Variants in BOK observed in about 807,000 individuals in gnomAD.
BOK encodes bcl-2-related ovarian killer protein.
In BOK, 20 loss-of-function variants were observed where a neutral mutation model predicts 18.3. That is an observed-to-expected ratio of 1.09 (90% CI 0.77 to 1.59). The LOEUF is 1.59. Among genes scored for constraint, BOK ranks in the 40% most tolerant of loss-of-function variants. The probability of loss-of-function intolerance (pLI) is 0.00; values close to 1 mark genes in which losing one functional copy is unlikely to be tolerated. For synonymous variants in BOK, 173 were observed against 142.4 expected (o/e 1.21, Z -1.53); for missense variants, 348 against 307.9 (o/e 1.13, Z -0.97).
chr2:241,555,339 C>T (rs2066442250), upstream of BOK, among the ~76,000 whole-genome samples: 1 of 151,616 alleles, frequency 6.6e-6, no homozygotes, highest in Non-Finnish European at 1.5e-5. Context: ...AGTGCGGTGT[C>T]ACCATGCTGG....
intron 3 of BOK, among the ~76,000 whole-genome samples, chr2:241,564,341 C>A (rs901152180): frequency 6.6e-6 from 1 of 152,172 alleles, no homozygotes; most frequent in Admixed American, 6.5e-5. Context: ...CCCTGTCTGG[C>A]GCTCCTGGGG....
rs995761761 is a variant in BOK, at chr2:241,562,644, G to A, written c.349+168G>A. Reference sequence around the variant, plus strand: ...TCAGGAGCTGCCCAGCCACCAGCGTGGGCTCAAACCACAGCATTCAGGGTC... The same window carrying A: ...TCAGGAGCTGCCCAGCCACCAGCGTAGGCTCAAACCACAGCATTCAGGGTC... On this transcript the variant is annotated intron_variant, in intron 3 of 4. Transcript: ENST00000318407. The surrounding 1 kb of genome is among the most constrained non-coding windows in gnomAD (Gnocchi z 4.5). Among the ~76,000 whole-genome samples, 2 of 152,214 alleles carry A rather than the reference G, an allele frequency of 1.3e-5. No homozygotes were observed. The highest frequency in any genetic ancestry group is 2.4e-5 in the African/African-American group (1 of 41,450).
At chr2:241,560,102 G>A (rs1171246606) in intron 2 of BOK, 8 of 985,226 alleles carry the variant, frequency 8.1e-6, no homozygotes, top group Admixed American at 6.2e-5. Context: ...GATCCCGCCC[G>A]CTGCCCTCTG....
intron 3 of BOK, among the ~76,000 whole-genome samples, chr2:241,568,469 G>A (rs764806981): frequency 1.3e-4 from 20 of 151,674 alleles, no homozygotes; most frequent in Non-Finnish European, 2.2e-4. Context: ...CCAGGCTGGA[G>A]TACAGTGGTG....
intron 3 of BOK, among the ~76,000 whole-genome samples, chr2:241,566,209 G>A (rs1374159825): frequency 6.6e-6 from 1 of 151,912 alleles, no homozygotes; most frequent in Non-Finnish European, 1.5e-5. Context: ...GCTTGAACCC[G>A]GGAGGCGCAG....
chr2:241,571,880 C>T (rs1365034110), intron 4 of BOK, among the ~76,000 whole-genome samples: 4 of 152,246 alleles, frequency 2.6e-5, no homozygotes, highest in Non-Finnish European at 4.4e-5. Context: ...TTCCTGGTAG[C>T]CCAGGCTCCA....
At position 241,559,559 on chromosome 2, in the gene BOK, G is replaced by T. The variant is rs2066493503; in HGVS notation, c.76G>T (p.Glu26Ter). The T allele has an allele frequency of 6.5e-7, 1 of 1,529,042 alleles. No homozygotes were observed. 94.7% of individuals were successfully genotyped at this position (1,529,042 alleles called of 1,614,324 possible). ...DAFDRSPTDK[E>*]LVAQAKALGR... ...CTTTGACCGCTCGCCCACAGACAAG[G>T]AGCTGGTGGCCCAGGCCAAGGCGCT... is the stretch of plus-strand genomic sequence containing the variant. The change falls in exon 2 of 5, where the codon GAG (glutamate) becomes TAG (stop). Residue 26 changes from glutamate to a stop codon, truncating the protein, a stop_gained. Transcript: ENST00000318407. LOFTEE classifies it high-confidence loss of function.
At chr2:241,558,311 T>G (rs912049981), upstream of BOK, among the ~76,000 whole-genome samples, 2 of 151,864 alleles carry the variant, frequency 1.3e-5, no homozygotes, top group African/African-American at 4.8e-5. Flanking sequence ...AATAAAAAGG[T>G]ACTAACCATA....
intron 4 of BOK, 27 bp from the exon 5 acceptor site, chr2:241,572,270 T>C: frequency 6.2e-7 from 1 of 1,605,548 alleles, no homozygotes; most frequent in Non-Finnish European, 8.5e-7. Flanking sequence ...GGCTCTGCTT[T>C]CTAACGGTCT....
intron 2 of BOK, chr2:241,559,944 C>T (rs1286821160): frequency 6.3e-6 from 4 of 637,132 alleles, no homozygotes; most frequent in Non-Finnish European, 7.8e-6. Flanking sequence ...TGGCCATAAA[C>T]AATAGAAAGC....
intron 3 of BOK, among the ~76,000 whole-genome samples, chr2:241,568,088 C>T (rs184075683): frequency 1.3e-5 from 2 of 152,114 alleles, no homozygotes; most frequent in East Asian, 1.9e-4. Context: ...GAGGCCCATC[C>T]ATGCCCAGCC....
chr2:241,551,758 G>A (rs192633589), intron 1 of BOK, among the ~76,000 whole-genome samples: 117 of 152,304 alleles, frequency 7.7e-4, no homozygotes, highest in African/African-American at 2.3e-3. Context: ...GAAGGCTTGC[G>A]CTGGCCAAGT....
At chr2:241,560,463 C>T (rs139092299) in intron 2 of BOK, among the ~76,000 whole-genome samples, 260 of 152,316 alleles carry the variant, frequency 1.7e-3, no homozygotes, top group African/African-American at 6.2e-3. Context: ...GGGTTGGAGT[C>T]GGAGGGCACG....
chr2:241,569,666 C>T (rs2066675436), intron 3 of BOK, among the ~76,000 whole-genome samples: 1 of 152,054 alleles, frequency 6.6e-6, no homozygotes, highest in Admixed American at 6.6e-5. Flanking sequence ...CTGTCACCAT[C>T]TTTCGTCCTC....
At chr2:241,561,020 G>A (rs1466612969) in intron 2 of BOK, among the ~76,000 whole-genome samples, 2 of 152,188 alleles carry the variant, frequency 1.3e-5, no homozygotes, top group Non-Finnish European at 1.5e-5. Flanking sequence ...CAGCAGCCCC[G>A]GAGATCTGTG....
In BOK at chr2:241,559,510, C is replaced by G. The variant is rs1463366864; in HGVS notation, c.27C>G (p.Val9=). 1 of 1,495,262 alleles carries G rather than the reference C, an allele frequency of 6.7e-7. No homozygotes were observed. The highest frequency in any genetic ancestry group is 1.3e-5 in the South Asian group (1 of 79,092). The allele number at this position is 1,495,262 out of a possible 1,614,324, so 92.6% of individuals were successfully genotyped here. The change falls in exon 2 of 5, where the codon GTC becomes GTG. Residue 9 remains valine (V), a synonymous_variant. Transcript: ENST00000318407. ...TGGAGGTGCTGCGGCGCTCCTCGGT[C>G]TTCGCCGCCGAGATCATGGACGCCT... The part of the protein sequence containing the change: MEVLRRSS[V]FAAEIMDAFD...
At chr2:241,556,658 C>G (rs1042477034), upstream of BOK, among the ~76,000 whole-genome samples, 5 of 151,804 alleles carry the variant, frequency 3.3e-5, no homozygotes, top group Non-Finnish European at 7.4e-5. Context: ...TTCCTACTTC[C>G]CAGACAGGAA....
upstream of BOK, among the ~76,000 whole-genome samples, chr2:241,557,308 CTTTTTTT>C (rs59048690): frequency 1.6e-5 from 2 of 126,746 alleles, no homozygotes; most frequent in African/African-American, 2.9e-5. Flanking sequence ...TTTCTTTTTC[CTTTTTTT>C]TTTTTTTTTT....
At chr2:241,557,185 T>C (rs1339308738), upstream of BOK, among the ~76,000 whole-genome samples, 1 of 152,166 alleles carries the variant, frequency 6.6e-6, no homozygotes, top group Non-Finnish European at 1.5e-5. Flanking sequence ...ATTTTCTCTA[T>C]TTTTTGCTTT....
Sources: gnomAD v4.1 joint callset for allele counts (sites outside exome capture counted in the v4.1 genomes callset) on GRCh38, gnomAD v4.1.1 for gene constraint, Gnocchi (gnomAD v3.1) non-coding constraint, MANE v1.5 for transcripts, NCBI Gene and HGNC (gene_info 2026-07-23, HGNC 2026-07-21) for gene names.